Variants in FRY observed in about 807,000 individuals in gnomAD.
FRY encodes the protein FRY microtubule binding protein, also known as protein furry homolog.
A neutral mutation model predicts 348.4 loss-of-function variants in FRY; 128 were observed. The observed-to-expected ratio is 0.37, with a 90% CI of 0.32 to 0.43. The LOEUF (loss-of-function observed/expected upper bound fraction) is 0.43, where lower values mean the gene tolerates loss of function less well. Among genes scored for constraint, FRY ranks in the 20% least tolerant of loss-of-function variants. The pLI, the probability that FRY is intolerant of heterozygous loss-of-function variation, is 1.00. For missense variants in FRY, 2,736 were observed against 3,695.2 expected (o/e 0.74, Z 6.73); for synonymous variants, 1,370 against 1,374.7 (o/e 1.00, Z 0.08).
At chr13:32,054,805 G>A (rs947809652) in intron 1 of FRY, among the ~76,000 whole-genome samples, 1 of 152,142 alleles carries the variant, frequency 6.6e-6, no homozygotes, top group Non-Finnish European at 1.5e-5. Context: ...AACCCGAGTG[G>A]CGGAGCTTGC....
chr13:32,200,282 T>C (rs1049264573), intron 29 of FRY, among the ~76,000 whole-genome samples: 1 of 152,214 alleles, frequency 6.6e-6, no homozygotes, highest in East Asian at 1.9e-4. Context: ...CAGAACTTCT[T>C]AGATAATGTA....
intron 2 of FRY, among the ~76,000 whole-genome samples, chr13:32,084,709 A>C (rs1413879875): frequency 6.6e-6 from 1 of 152,254 alleles, no homozygotes; most frequent in African/African-American, 2.4e-5. Context: ...ACAGGTTTTA[A>C]GGGTAAACAT....
chr13:32,033,913 T>A (rs998571024), intron 1 of FRY, among the ~76,000 whole-genome samples: 3 of 152,220 alleles, frequency 2.0e-5, no homozygotes, highest in African/African-American at 7.2e-5. Flanking sequence ...AAGTTTTACA[T>A]ATTTTGAGCA....
At chr13:32,245,040 C>G (rs1886710385) in intron 47 of FRY, among the ~76,000 whole-genome samples, 1 of 152,118 alleles carries the variant, frequency 6.6e-6, no homozygotes, top group Non-Finnish European at 1.5e-5. Context: ...ACCTCCACCT[C>G]CCGGGTTCAA....
rs149651848 is a variant in FRY, at chr13:32,035,775, T to C, written c.70+3910T>C. ...GAATGCCCATTAACTCTTTCGCATA[T>C]TTAGAATTTCATTGACAAATGAACT... On this transcript the variant is annotated intron_variant, in intron 1 of 60. Coordinates refer to ENST00000542859, the MANE Select transcript of FRY (RefSeq NM_023037.3). Among the ~76,000 whole-genome samples the C allele has an allele frequency of 3.9e-3, 593 of 152,346 alleles. 4 individuals carry two copies. Among genetic ancestry groups the C allele is most frequent in the South Asian group, 0.022 (107 of 4,822 alleles).
At chr13:32,206,233 C>T (rs1219867361) in intron 31 of FRY, among the ~76,000 whole-genome samples, 1 of 152,066 alleles carries the variant, frequency 6.6e-6, no homozygotes, top group East Asian at 1.9e-4. Context: ...GACACCCCCA[C>T]TTTTGCAGAC....
intron 46 of FRY, among the ~76,000 whole-genome samples, chr13:32,241,352 C>T (rs943390788): frequency 6.6e-6 from 1 of 152,166 alleles, no homozygotes; most frequent in East Asian, 1.9e-4. Context: ...TGTGCTTCCA[C>T]GTGGGTGAAC....
At chr13:32,246,160 G>A (rs2806628) in intron 47 of FRY, among the ~76,000 whole-genome samples, 72,072 of 152,040 alleles carry the variant, frequency 0.47, 19,185 homozygotes, top group Middle Eastern at 0.67. Flanking sequence ...TGCGGGCGAC[G>A]TCTGATACTT....
At chr13:32,181,182 G>A (rs536648453) in intron 23 of FRY, among the ~76,000 whole-genome samples, 63 of 152,042 alleles carry the variant, frequency 4.1e-4, no homozygotes, top group African/African-American at 1.4e-3. Context: ...GAGCCACCAC[G>A]CCCAGCCCAG....
chr13:32,225,101 A>C (rs1885513753), intron 38 of FRY, 65 bp downstream of exon 38: 1 of 910,676 alleles, frequency 1.1e-6, no homozygotes, highest in Non-Finnish European at 1.9e-6. Flanking sequence ...TAATCCGTAG[A>C]GATTTCCTTT....
In FRY at chr13:32,095,337, C is replaced by CTTTT. The variant is rs61006034; in HGVS notation, c.271-6601_271-6598dup. On this transcript the variant is annotated intron_variant, in intron 2 of 60. Transcript: ENST00000542859. Reference sequence around the variant, plus strand: ...GATTGTTTCCTTTGCTGTATGGAAGCTTTTTTTTTTTTTTTTTTTTTTTTT... The same window carrying CTTTT: ...GATTGTTTCCTTTGCTGTATGGAAGCTTTTTTTTTTTTTTTTTTTTTTTTTTTTT... Among the ~76,000 whole-genome samples, 158 of 58,342 alleles carry CTTTT rather than the reference C, an allele frequency of 2.7e-3. 47 individuals are homozygous for CTTTT. Among genetic ancestry groups the CTTTT allele is most frequent in the Admixed American group, 4.6e-3 (16 of 3,456 alleles). 38.3% of individuals were successfully genotyped at this position (58,342 alleles called of 152,430 possible).
intron 2 of FRY, among the ~76,000 whole-genome samples, chr13:32,089,344 T>G: frequency 6.6e-6 from 1 of 152,214 alleles, no homozygotes. Context: ...GAATTTCTAC[T>G]CAATTCCTAA....
chr13:32,046,185 G>A (rs1252862416), intron 1 of FRY, among the ~76,000 whole-genome samples: 2 of 152,184 alleles, frequency 1.3e-5, no homozygotes, highest in Non-Finnish European at 2.9e-5. Flanking sequence ...CTGGGAAAAG[G>A]ATAGAGATAA....
chr13:32,288,160 A>G (rs1889167325), intron 58 of FRY, among the ~76,000 whole-genome samples: 1 of 152,246 alleles, frequency 6.6e-6, no homozygotes, highest in African/African-American at 2.4e-5. Context: ...CAGAGTTTTC[A>G]TAGCTAGGTT....
At chr13:32,075,023 C>T (rs1874944899) in intron 1 of FRY, among the ~76,000 whole-genome samples, 1 of 152,186 alleles carries the variant, frequency 6.6e-6, no homozygotes, top group African/African-American at 2.4e-5. Context: ...ATTGCATTTG[C>T]AAACCTGGAA....
At chr13:32,095,100 A>G (rs1356015435) in intron 2 of FRY, among the ~76,000 whole-genome samples, 5 of 152,130 alleles carry the variant, frequency 3.3e-5, no homozygotes, top group Non-Finnish European at 4.4e-5. Flanking sequence ...TCTGATGATC[A>G]GTGATGTTGA....
intron 8 of FRY, among the ~76,000 whole-genome samples, chr13:32,132,104 A>G (rs758318702): frequency 2.0e-5 from 3 of 152,130 alleles, no homozygotes; most frequent in Non-Finnish European, 2.9e-5. Flanking sequence ...CCACTGGTAC[A>G]TATTGTTCTA....
intron 11 of FRY, among the ~76,000 whole-genome samples, chr13:32,140,957 TTTCTC>T (rs1880027383): frequency 6.6e-6 from 1 of 152,178 alleles, no homozygotes; most frequent in African/African-American, 2.4e-5. Flanking sequence ...AATGACTACT[TTTCTC>T]TTTTAAATAC....
At chr13:32,109,439 G>A (rs986174662) in intron 3 of FRY, among the ~76,000 whole-genome samples, 1 of 152,224 alleles carries the variant, frequency 6.6e-6, no homozygotes, top group Non-Finnish European at 1.5e-5. Context: ...AGGAGTTAAT[G>A]ATGCTAGGAA....
Sources: gnomAD v4.1 joint callset for allele counts (sites outside exome capture counted in the v4.1 genomes callset) on GRCh38, gnomAD v4.1.1 for gene constraint, MANE v1.5 for transcripts, NCBI Gene and HGNC (gene_info 2026-07-23, HGNC 2026-07-21) for gene names.